The following C4orf54 variants were observed in gnomAD, a reference collection of about 807,000 sequenced individuals.
C4orf54 encodes the protein uncharacterized protein C4orf54.
C4orf54 carries 67 observed loss-of-function variants against 80.1 expected under a neutral mutation model. The observed-to-expected ratio is 0.84, with a 90% CI of 0.69 to 1.03. C4orf54 has a LOEUF of 1.03. Ranked by LOEUF, C4orf54 falls within the 50% of genes least tolerant of loss-of-function variation. The pLI is 0.00. For missense variants in C4orf54, 2,434 were observed against 2,253.5 expected (o/e 1.08, Z -1.62); for synonymous variants, 1,000 against 917.0 (o/e 1.09, Z -1.64).
chr4:99,650,215 G>C lies in C4orf54; in HGVS notation c.4434C>G (p.Ser1478Arg), dbSNP rs1403353039. The change falls in exon 2 of 3, where the codon AGC becomes AGG. Residue 1478 changes from serine (S) to arginine (R), a missense_variant. By Grantham distance (110) the Ser-to-Arg change is moderately radical (BLOSUM62 -1). Transcript: ENST00000511828. The stretch of plus-strand genomic sequence containing the variant: ...TGCTAAGAAGCTCCCCTGCAGCAGA[G>C]CTTCCTTTAAGAGGGATGGTCAGGT... ...ENYLTIPLKG[S>R]SAAGELLSRP... is the part of the protein sequence containing the mutation. 2 of 1,536,048 alleles carry C rather than the reference G, an allele frequency of 1.3e-6. No homozygotes were observed. The highest frequency in any genetic ancestry group is 1.7e-6 in the Non-Finnish European group (2 of 1,146,902).
chr4:99,654,735 C>T (rs747000223), intron 1 of C4orf54, 56 bp from the exon 2 acceptor site: 19 of 616,200 alleles, frequency 3.1e-5, no homozygotes, highest in East Asian at 1.1e-4. Flanking sequence ...GTGTCCATTC[C>T]GTAGTCATAT....
intron 2 of C4orf54, among the ~76,000 whole-genome samples, chr4:99,647,984 G>C (rs981964595): frequency 6.6e-6 from 1 of 151,808 alleles, no homozygotes; most frequent in Non-Finnish European, 1.5e-5. Flanking sequence ...ACAGAGAAGA[G>C]AGAAATAACA....
intron 2 of C4orf54, among the ~76,000 whole-genome samples, chr4:99,645,053 G>A (rs193093119): frequency 1.3e-5 from 2 of 151,988 alleles, no homozygotes; most frequent in East Asian, 1.9e-4. Context: ...CAGCCTGGGC[G>A]ATGTAGTGAC....
At position 99,651,901 on chromosome 4, in the gene C4orf54, A is replaced by G. The variant is rs533394949; in HGVS notation, c.2748T>C (p.Asp916=). 3.9e-6 allele frequency: 6 copies of G among 1,536,010 alleles called. No individual in the cohort carries two copies. Among genetic ancestry groups the G allele is most frequent in the Admixed American group, 2.0e-5 (1 of 51,002 alleles). Residue 916 remains aspartate (D), a synonymous_variant, in exon 2 of 3, where the codon GAT becomes GAC. Transcript: ENST00000511828. The part of the protein sequence containing the change: ...RNAGPGRNFT[D]GHTEVCEIKK... ...TAATTTCACACACTTCTGTGTGTCC[A>G]TCGGTGAAATTCCGGCCAGGGCCTG...
In C4orf54 at chr4:99,654,134, T is replaced by C. The variant is rs1488281473; in HGVS notation, c.515A>G (p.Gln172Arg). ...GDGVSSAQDS[Q>R]ELKQQLWPLP... Reference sequence around the variant, plus strand: ...TGGCCACAGCTGCTGCTTGAGCTCCTGGCTGTCTTGAGCACTGCTCACCCC... The same window carrying C: ...TGGCCACAGCTGCTGCTTGAGCTCCCGGCTGTCTTGAGCACTGCTCACCCC... The change falls in exon 2 of 3, where the codon CAG (glutamine) becomes CGG (arginine). Residue 172 changes from glutamine (Q) to arginine (R), a missense_variant. By Grantham distance (43) the Gln-to-Arg change is conservative. Transcript: ENST00000511828. 1 of 1,536,158 alleles carries C rather than the reference T, an allele frequency of 6.5e-7. No individual in the cohort carries two copies. The highest frequency in any genetic ancestry group is 8.7e-7 in the Non-Finnish European group (1 of 1,146,910).
At position 99,650,827 on chromosome 4, in the gene C4orf54, C is replaced by T; in HGVS notation, c.3822G>A (p.Glu1274=). ...MEELYSFNRN[E]WKRKSDPLPM... ...GCAAGGGGTCGCTTTTGCGCTTCCA[C>T]TCGTTCCTGTTGAAGCTGTACAGCT... is the stretch of plus-strand genomic sequence containing the variant. Residue 1274 remains glutamate (E), a synonymous_variant, in exon 2 of 3, where the codon GAG becomes GAA. Coordinates refer to ENST00000511828, the MANE Select transcript of C4orf54 (RefSeq NM_001354435.2). 1.3e-6 allele frequency: 2 copies of T among 1,536,240 alleles called. No individual in the cohort carries two copies. The highest frequency in any genetic ancestry group is 1.7e-6 in the Non-Finnish European group (2 of 1,146,938).
chr4:99,655,785 G>A (rs1726969647), intron 1 of C4orf54, among the ~76,000 whole-genome samples: 1 of 152,176 alleles, frequency 6.6e-6, no homozygotes. Context: ...TCACCTGCCA[G>A]GCCCAGTTCC....
At position 99,647,812 on chromosome 4, in the gene C4orf54, G is replaced by A. The variant is rs1437599552; in HGVS notation, c.*36+1419C>T. The stretch of plus-strand genomic sequence containing the variant: ...TGTTTAGGGTTAGATATTATTTATT[G>A]TCCCTACTAGAGGTGACACATGAAT... On this transcript the variant is annotated intron_variant, in intron 2 of 2. Transcript: ENST00000511828. 5.3e-5 allele frequency among the ~76,000 whole-genome samples: 8 copies of A among 152,066 alleles called. No individual in the cohort carries two copies. In the South Asian group the frequency reaches 1.5e-3, roughly 28 times the overall value.
At position 99,652,405 on chromosome 4, in the gene C4orf54, G is replaced by A; in HGVS notation, c.2244C>T (p.Val748=). 6.5e-7 allele frequency: 1 copy of A among 1,536,102 alleles called. No individual in the cohort carries two copies. The highest frequency in any genetic ancestry group is 8.7e-7 in the Non-Finnish European group (1 of 1,146,908). The change falls in exon 2 of 3, where the codon GTC becomes GTT. Residue 748 remains valine, a synonymous_variant. Coordinates refer to ENST00000511828, the MANE Select transcript of C4orf54 (RefSeq NM_001354435.2). ...QKQVQTGSRV[V]TLLEPLNVRS... ...GTACATTCAGGGGCTCCAAAAGGGT[G>A]ACGACGCGGGAGCCCGTCTGGACCT...
rs1365926437 is a variant in C4orf54, at chr4:99,651,487, G to A, written c.3162C>T (p.Ala1054=). The change falls in exon 2 of 3, where the codon GCC becomes GCT. Residue 1054 remains alanine (A), a synonymous_variant. Coordinates refer to ENST00000511828, the MANE Select transcript of C4orf54 (RefSeq NM_001354435.2). Reference sequence around the variant, plus strand: ...TGAACAGGTTAGAGGCGCTGCCACCGGCCAGCTTGGGCGTGAGCAACTTGG... The same window carrying A: ...TGAACAGGTTAGAGGCGCTGCCACCAGCCAGCTTGGGCGTGAGCAACTTGG... ...NIAKLLTPKL[A]GGSASNLFKT... 4 of 1,536,192 alleles carry A rather than the reference G, an allele frequency of 2.6e-6. No homozygotes were observed. Among genetic ancestry groups the A allele is most frequent in the South Asian group, 2.4e-5 (2 of 84,040 alleles).
At position 99,652,561 on chromosome 4, in the gene C4orf54, A is replaced by G; in HGVS notation, c.2088T>C (p.Ser696=). 6.5e-7 allele frequency: 1 copy of G among 1,535,930 alleles called. No individual in the cohort carries two copies. The highest frequency in any genetic ancestry group is 1.4e-5 in the African/African-American group (1 of 73,090). ...GCTGGTCGGCAGTGGCCCGGGCCCC[A>G]CTGCCCTTCCTCAGACCTGCAGCCA... ...ASVAAGLRKG[S]GARATADQLY... The change falls in exon 2 of 3, where the codon AGT becomes AGC. Residue 696 remains serine (S), a synonymous_variant. Coordinates refer to ENST00000511828, the MANE Select transcript of C4orf54 (RefSeq NM_001354435.2).
chr4:99,654,137 C>A lies in C4orf54; in HGVS notation c.512G>T (p.Ser171Ile), dbSNP rs1226286831. Residue 171 changes from serine (S) to isoleucine (I), a missense_variant, in exon 2 of 3, where the codon AGC (serine) becomes ATC (isoleucine). Coordinates refer to ENST00000511828, the MANE Select transcript of C4orf54 (RefSeq NM_001354435.2). ...VGDGVSSAQDSQELKQQLWPL... is the reference protein window; with the variant it reads ...VGDGVSSAQDIQELKQQLWPL... ...CCACAGCTGCTGCTTGAGCTCCTGG[C>A]TGTCTTGAGCACTGCTCACCCCGTC... 8 of 1,536,156 alleles carry A rather than the reference C, an allele frequency of 5.2e-6. No individual in the cohort carries two copies. Among genetic ancestry groups the A allele is most frequent in the Non-Finnish European group, 7.0e-6 (8 of 1,146,916 alleles).
At chr4:99,647,067 T>C (rs1049803959) in intron 2 of C4orf54, among the ~76,000 whole-genome samples, 2 of 152,228 alleles carry the variant, frequency 1.3e-5, no homozygotes, top group African/African-American at 4.8e-5. Context: ...CTTTATTTAC[T>C]AAAATGAAGG....
rs767882207 is a variant in C4orf54 at position 99,651,971 on chromosome 4, G to C, written c.2678C>G (p.Ser893Cys). ...DAGGEGSVAG[S>C]KSPVFKASTP... is the part of the protein sequence containing the mutation. ...ACTGGCTTTGAAGACTGGAGATTTG[G>C]AGCCCGCCACGGACCCCTCCCCGCC... Residue 893 changes from serine to cysteine, a missense_variant, in exon 2 of 3, where the codon TCC (serine) becomes TGC (cysteine). Transcript: ENST00000511828. 59 of 1,536,124 alleles carry C rather than the reference G, an allele frequency of 3.8e-5. No homozygotes were observed. In the South Asian group the frequency reaches 7.0e-4, roughly 18 times the overall value.
intron 2 of C4orf54, among the ~76,000 whole-genome samples, chr4:99,642,441 G>C (rs148209954): frequency 7.9e-5 from 12 of 152,244 alleles, no homozygotes; most frequent in African/African-American, 2.9e-4. Context: ...ACTATAGGAC[G>C]GTAATAGTCT....
At position 99,652,215 on chromosome 4, in the gene C4orf54, G is replaced by T. The variant is rs1726854090; in HGVS notation, c.2434C>A (p.Leu812Met). The change falls in exon 2 of 3, where the codon CTG (leucine) becomes ATG (methionine). Residue 812 changes from leucine (L) to methionine (M), a missense_variant. By Grantham distance (15) the Leu-to-Met change is conservative (BLOSUM62 2). Transcript: ENST00000511828. The stretch of plus-strand genomic sequence containing the variant: ...TTCTTGGAAATGACATTTTTGAGCA[G>T]ACTGGAGGCGAACTTGGACTTCTGG... Reference protein sequence around the residue: ...GPQKSKFASSLLKNVISKKMQ... With the variant: ...GPQKSKFASSMLKNVISKKMQ... 2.0e-6 allele frequency: 3 copies of T among 1,535,958 alleles called. No individual in the cohort carries two copies. The highest frequency in any genetic ancestry group is 1.4e-5 in the African/African-American group (1 of 73,128).
chr4:99,647,657 A>G (rs1578270433), intron 2 of C4orf54, among the ~76,000 whole-genome samples: 1 of 152,190 alleles, frequency 6.6e-6, no homozygotes, highest in Non-Finnish European at 1.5e-5. Flanking sequence ...AGAAAGATTT[A>G]AGGGTTTTTT....
At chr4:99,643,120 G>A (rs1471769234) in intron 2 of C4orf54, among the ~76,000 whole-genome samples, 1 of 152,160 alleles carries the variant, frequency 6.6e-6, no homozygotes, top group Non-Finnish European at 1.5e-5. Context: ...CTGGTGAGGG[G>A]CCCTGAGAAG....
chr4:99,647,034 G>A (rs1726711549), intron 2 of C4orf54, among the ~76,000 whole-genome samples: 1 of 152,134 alleles, frequency 6.6e-6, no homozygotes, highest in Non-Finnish European at 1.5e-5. Flanking sequence ...AGCCAGATTT[G>A]GCCTTTCTGT....
Sources: allele counts gnomAD v4.1 joint callset (sites outside exome capture counted in the v4.1 genomes callset), GRCh38; gene constraint gnomAD v4.1.1; transcripts MANE v1.5; gene names NCBI Gene and HGNC (gene_info 2026-07-23, HGNC 2026-07-21).